The following CALD1 variants were observed in gnomAD, a reference collection of about 807,000 sequenced individuals.
The protein encoded by CALD1 is caldesmon.
In CALD1, 33 loss-of-function variants were observed where a neutral mutation model predicts 99.9. The observed-to-expected ratio is 0.33, with a 90% CI of 0.25 to 0.44. The LOEUF (loss-of-function observed/expected upper bound fraction) is 0.44, where lower values mean the gene tolerates loss of function less well. CALD1 is among the 20% of genes least tolerant of loss of function. The pLI, the probability that CALD1 is intolerant of heterozygous loss-of-function variation, is 1.00. For missense variants in CALD1, 861 were observed against 962.1 expected (o/e 0.89, Z 1.39); for synonymous variants, 310 against 325.0 (o/e 0.95, Z 0.50).
At position 134,749,844 on chromosome 7, in the gene CALD1, C is replaced by G. The variant is rs528504677; in HGVS notation, c.-130+5481C>G. On this transcript the variant is annotated intron_variant, in intron 1 of 13. Coordinates refer to the CALD1 transcript ENST00000417172. ...TATTTCTGTAATTTAATTTAAAGAACTGACATAGGTTTCTCAGGGATACAC... is the reference window on the plus strand; with the variant it reads ...TATTTCTGTAATTTAATTTAAAGAAGTGACATAGGTTTCTCAGGGATACAC... 2.0e-5 allele frequency among the ~76,000 whole-genome samples: 3 copies of G among 152,274 alleles called. No homozygotes were observed. In the South Asian group the frequency reaches 6.2e-4, roughly 32 times the overall value.
At position 134,857,327 on chromosome 7, in the gene CALD1, G is replaced by A. The variant is rs993837291; in HGVS notation, c.-41-10366G>A. Among the ~76,000 whole-genome samples the A allele has an allele frequency of 1.1e-4, 16 of 151,612 alleles. 1 individual carries two copies. The highest frequency in any genetic ancestry group is 2.4e-4 in the African/African-American group (10 of 41,222). On this transcript the variant is annotated intron_variant, in intron 2 of 14. Transcript: ENST00000361675. ...TGGGACTACAGATGCCCGCCACCAC[G>A]CCCGGCTAATTTTTTGTATTTTTAG...
intron 1 of CALD1, among the ~76,000 whole-genome samples, chr7:134,799,587 C>T (rs1797870439): frequency 6.6e-6 from 1 of 152,118 alleles, no homozygotes; most frequent in Non-Finnish European, 1.5e-5. Flanking sequence ...GGCTCTGCAG[C>T]TGAAAGAACA....
chr7:134,777,174 T>A (rs1414337212), upstream of CALD1, among the ~76,000 whole-genome samples: 1 of 152,206 alleles, frequency 6.6e-6, no homozygotes, highest in Non-Finnish European at 1.5e-5. Flanking sequence ...CTTTCTTTTT[T>A]AAATTCTTGA....
At chr7:134,890,287 C>T (rs1586213554) in intron 3 of CALD1, among the ~76,000 whole-genome samples, 1 of 152,300 alleles carries the variant, frequency 6.6e-6, no homozygotes, top group South Asian at 2.1e-4. Flanking sequence ...GACCACTTAA[C>T]CTAACCCAAT....
intron 3 of CALD1, chr7:134,891,563 C>T: frequency 3.2e-6 from 5 of 1,567,446 alleles, no homozygotes; most frequent in Non-Finnish European, 4.3e-6. Flanking sequence ...GCCCTGACCG[C>T]CCGGCCTGGC....
intron 1 of CALD1, among the ~76,000 whole-genome samples, chr7:134,788,919 G>A (rs908088733): frequency 5.3e-5 from 8 of 151,844 alleles, no homozygotes; most frequent in Non-Finnish European, 1.0e-4. Flanking sequence ...GGAGGCTGAG[G>A]TGGGAGGATC....
intron 1 of CALD1, among the ~76,000 whole-genome samples, chr7:134,746,025 GA>G (rs1796632230): frequency 2.6e-5 from 4 of 152,196 alleles, no homozygotes; most frequent in Admixed American, 2.0e-4. Flanking sequence ...GAACCTATGG[GA>G]AAGGTAGTAG....
chr7:134,840,190 A>T (rs996458996), intron 1 of CALD1, among the ~76,000 whole-genome samples: 16 of 152,220 alleles, frequency 1.1e-4, no homozygotes, highest in African/African-American at 3.9e-4. Flanking sequence ...TTAGATCCAC[A>T]ATCAATCTGA....
At chr7:134,854,601 A>C (rs1800221347) in intron 2 of CALD1, among the ~76,000 whole-genome samples, 2 of 152,210 alleles carry the variant, frequency 1.3e-5, no homozygotes, top group Admixed American at 1.3e-4. Flanking sequence ...GGATGGGCTA[A>C]ACTAACCATC....
chr7:134,861,322 T>A (rs1467932001), intron 2 of CALD1, among the ~76,000 whole-genome samples: 1 of 152,170 alleles, frequency 6.6e-6, no homozygotes, highest in African/African-American at 2.4e-5. Context: ...TAAGCGATGA[T>A]CATTGCAGAT....
At chr7:134,803,094 T>C (rs577732463) in intron 1 of CALD1, among the ~76,000 whole-genome samples, 2 of 152,324 alleles carry the variant, frequency 1.3e-5, no homozygotes, top group Admixed American at 6.5e-5. Flanking sequence ...AGTAGTTGTT[T>C]AGTGGTATCT....
chr7:134,794,489 G>T (rs553869584), intron 1 of CALD1, among the ~76,000 whole-genome samples: 34 of 152,220 alleles, frequency 2.2e-4, no homozygotes, highest in African/African-American at 7.7e-4. Context: ...TAGGTTTTTT[G>T]TTGTTGTTGT....
intron 6 of CALD1, among the ~76,000 whole-genome samples, chr7:134,938,348 A>G (rs933370875): frequency 6.6e-5 from 10 of 152,156 alleles, no homozygotes; most frequent in African/African-American, 2.4e-4. Context: ...CTCTGGCACA[A>G]GGGCCTGTCA....
At chr7:134,903,716 A>AC (rs1307496115) in intron 3 of CALD1, among the ~76,000 whole-genome samples, 1 of 152,062 alleles carries the variant, frequency 6.6e-6, no homozygotes, top group Non-Finnish European at 1.5e-5. Flanking sequence ...TTTGATAAGG[A>AC]CATCAGTCAT....
intron 1 of CALD1, among the ~76,000 whole-genome samples, chr7:134,817,467 C>T (rs960077261): frequency 6.6e-6 from 1 of 152,096 alleles, no homozygotes; most frequent in Non-Finnish European, 1.5e-5. Context: ...AATTGACATT[C>T]GTGTGATTCA....
intron 3 of CALD1, chr7:134,920,594 C>T (rs1489711525): frequency 7.8e-7 from 1 of 1,288,616 alleles, no homozygotes; most frequent in Non-Finnish European, 1.0e-6. Flanking sequence ...ATCTCAGTTA[C>T]CAGCCTGAAA....
At chr7:134,955,993 C>T (rs1807739336) in intron 9 of CALD1, among the ~76,000 whole-genome samples, 1 of 152,112 alleles carries the variant, frequency 6.6e-6, no homozygotes, top group South Asian at 2.1e-4. Context: ...TTTCACCTTA[C>T]TCACCTGGGA....
At chr7:134,784,953 T>C (rs562329364) in intron 1 of CALD1, among the ~76,000 whole-genome samples, 2 of 152,294 alleles carry the variant, frequency 1.3e-5, no homozygotes, top group East Asian at 3.9e-4. Context: ...AGTCAAAGAC[T>C]ATTGTCTTTG....
At chr7:134,765,512 T>G (rs533603378) in intron 1 of CALD1, among the ~76,000 whole-genome samples, 8 of 152,310 alleles carry the variant, frequency 5.3e-5, no homozygotes, top group Non-Finnish European at 1.0e-4. Flanking sequence ...GCCCCACTAC[T>G]GCACTTATGC....
Sources: allele counts gnomAD v4.1 joint callset (sites outside exome capture counted in the v4.1 genomes callset), GRCh38; gene constraint gnomAD v4.1.1; transcripts MANE v1.5; gene names NCBI Gene and HGNC (gene_info 2026-07-23, HGNC 2026-07-21).